OXR1: variants seen among roughly 807,000 people sequenced by gnomAD.
OXR1 encodes oxidation resistance 1.
Under a neutral mutation model 104.6 loss-of-function variants are expected in OXR1, and 41 were observed. The observed-to-expected ratio is 0.39, with a 90% confidence interval of 0.31 to 0.51. The LOEUF (loss-of-function observed/expected upper bound fraction) is 0.51. OXR1 is among the 20% of genes least tolerant of loss of function. The probability of loss-of-function intolerance (pLI) is 0.77; values close to 1 mark genes in which losing one functional copy is unlikely to be tolerated. For missense variants in OXR1, 955 were observed against 1,031.9 expected, an observed-to-expected ratio of 0.93 and a Z score of 1.02; for synonymous variants, 348 against 348.4, an observed-to-expected ratio of 1.00 and a Z score of 0.01.
intron 8 of OXR1, among the ~76,000 whole-genome samples, chr8:106,704,708 C>T (rs564114289): frequency 4.6e-4 from 70 of 152,132 alleles, no homozygotes; most frequent in African/African-American, 1.7e-3. Context: ...TTGTCCTTTT[C>T]CATTTGCAAT....
intron 3 of OXR1, among the ~76,000 whole-genome samples, chr8:106,592,294 ATAATT>A (rs1227420266): frequency 6.6e-6 from 1 of 152,230 alleles, no homozygotes; most frequent in Non-Finnish European, 1.5e-5. Flanking sequence ...AAATCAATAA[ATAATT>A]TAAGAGAATA....
At chr8:106,412,499 G>T (rs1225869233) in intron 2 of OXR1, among the ~76,000 whole-genome samples, 1 of 152,108 alleles carries the variant, frequency 6.6e-6, no homozygotes, top group African/African-American at 2.4e-5. Flanking sequence ...AGACCTTTGG[G>T]CTGTAAACAA....
chr8:106,488,266 G>T (rs1329838725), intron 2 of OXR1, among the ~76,000 whole-genome samples: 14 of 133,422 alleles, frequency 1.0e-4, no homozygotes, highest in African/African-American at 4.1e-4. Flanking sequence ...TTTTTGATGG[G>T]GTTGTTTGTT....
intron 3 of OXR1, among the ~76,000 whole-genome samples, chr8:106,611,772 C>A (rs1421419402): frequency 2.0e-5 from 3 of 152,074 alleles, no homozygotes; most frequent in Non-Finnish European, 4.4e-5. Flanking sequence ...ATGGAGAGTC[C>A]TGTTGCCTGT....
chr8:106,350,941 A>G (rs554787130), intron 1 of OXR1, among the ~76,000 whole-genome samples: 1 of 152,322 alleles, frequency 6.6e-6, no homozygotes, highest in South Asian at 2.1e-4. Context: ...GGCAAAACAG[A>G]TTTGAAAAAT....
intron 1 of OXR1, among the ~76,000 whole-genome samples, chr8:106,347,826 A>G (rs13262473): frequency 0.36 from 54,751 of 152,046 alleles, 10,232 homozygotes; most frequent in Admixed American, 0.44. Context: ...CAAATTCAGT[A>G]TTTCTTAAAT....
intron 3 of OXR1, among the ~76,000 whole-genome samples, chr8:106,670,456 T>C (rs945256627): frequency 2.6e-5 from 4 of 152,140 alleles, no homozygotes; most frequent in Non-Finnish European, 5.9e-5. Flanking sequence ...TGTGACACAA[T>C]AGAGAATAGA....
intron 1 of OXR1, among the ~76,000 whole-genome samples, chr8:106,288,490 T>A (rs1812589048): frequency 6.6e-6 from 1 of 151,004 alleles, no homozygotes. Flanking sequence ...TAAGAACACC[T>A]CCCTTGACAA....
intron 6 of OXR1, among the ~76,000 whole-genome samples, chr8:106,688,562 A>G (rs1413348258): frequency 2.0e-5 from 3 of 152,168 alleles, no homozygotes; most frequent in Non-Finnish European, 4.4e-5. Context: ...ATACTGCTAC[A>G]GTAGCTATTG....
At chr8:106,557,605 T>C (rs190351331) in intron 3 of OXR1, among the ~76,000 whole-genome samples, 1 of 152,158 alleles carries the variant, frequency 6.6e-6, no homozygotes, top group Non-Finnish European at 1.5e-5. Context: ...AATTTTTTTT[T>C]CCTAGATTCC....
chr8:106,582,972 A>G (rs1818362489), intron 3 of OXR1, among the ~76,000 whole-genome samples: 1 of 152,072 alleles, frequency 6.6e-6, no homozygotes, highest in African/African-American at 2.4e-5. Flanking sequence ...TTCCATTTCC[A>G]TTGCTTCTCT....
chr8:106,729,861 A>C (rs1197880609), intron 11 of OXR1: 1 of 152,168 alleles, frequency 6.6e-6, no homozygotes, highest in Non-Finnish European at 1.5e-5. Flanking sequence ...ACACTGACTC[A>C]GTAGTTGAAA....
chr8:106,288,561 ATATATATG>A (rs1563696432), intron 1 of OXR1, among the ~76,000 whole-genome samples: 44 of 146,490 alleles, frequency 3.0e-4, no homozygotes, highest in Non-Finnish European at 5.4e-4. Flanking sequence ...TATAGTGTGT[ATATATATG>A]GTGTGTATAT....
At chr8:106,273,307 G>A (rs1811894738) in intron 1 of OXR1, among the ~76,000 whole-genome samples, 1 of 152,156 alleles carries the variant, frequency 6.6e-6, no homozygotes. Context: ...GAGGCAGAAT[G>A]AGAAATAGAG....
intron 2 of OXR1, among the ~76,000 whole-genome samples, chr8:106,376,361 C>G (rs1402345147): frequency 2.0e-5 from 3 of 152,212 alleles, no homozygotes; most frequent in African/African-American, 4.8e-5. Context: ...TAAATTATTA[C>G]CTGACATTGA....
intron 2 of OXR1, among the ~76,000 whole-genome samples, chr8:106,376,758 G>A (rs567290017): frequency 1.3e-5 from 2 of 152,284 alleles, no homozygotes; most frequent in African/African-American, 4.8e-5. Flanking sequence ...ATCTAAGAAT[G>A]TGGGAACTAC....
chr8:106,284,381 G>C (rs1287171663), intron 1 of OXR1, among the ~76,000 whole-genome samples: 1 of 152,126 alleles, frequency 6.6e-6, no homozygotes, highest in Non-Finnish European at 1.5e-5. Flanking sequence ...TGTGGGACCA[G>C]ATGGAGGTGG....
At chr8:106,495,154 A>T (rs1388831401) in intron 2 of OXR1, among the ~76,000 whole-genome samples, 1 of 151,640 alleles carries the variant, frequency 6.6e-6, no homozygotes, top group African/African-American at 2.4e-5. Flanking sequence ...TTTAATATAC[A>T]TAGATATATA....
chr8:106,703,558 C>G (rs1050973891), intron 8 of OXR1, among the ~76,000 whole-genome samples: 1 of 151,788 alleles, frequency 6.6e-6, no homozygotes, highest in Non-Finnish European at 1.5e-5. Context: ...TTGCAATCTT[C>G]TCTCCCAGTA....
Sources: allele counts gnomAD v4.1 joint callset (sites outside exome capture counted in the v4.1 genomes callset), GRCh38; gene constraint gnomAD v4.1.1; transcripts MANE v1.5; gene names NCBI Gene and HGNC (gene_info 2026-07-23, HGNC 2026-07-21).